Variants in PAX5 observed in about 807,000 individuals in gnomAD.
PAX5 encodes the protein paired box 5.
PAX5 carries 9 observed loss-of-function variants against 43.7 expected under a neutral mutation model. That is an observed-to-expected ratio of 0.21 (90% CI 0.12 to 0.36). The LOEUF is 0.36. Ranked by LOEUF, PAX5 falls within the 10% of genes least tolerant of loss-of-function variation. The pLI, the probability that PAX5 is intolerant of heterozygous loss-of-function variation, is 1.00. For missense variants in PAX5, 383 were observed against 532.7 expected (o/e 0.72, Z 2.77); for synonymous variants, 228 against 214.3 (o/e 1.06, Z -0.56).
intron 8 of PAX5, among the ~76,000 whole-genome samples, chr9:36,847,881 C>T (rs1299608290): frequency 6.6e-6 from 1 of 152,218 alleles, no homozygotes; most frequent in Non-Finnish European, 1.5e-5. Flanking sequence ...GGTCTTGTAG[C>T]TGGCAGGGCC....
chr9:37,020,591 T>C (rs1436118011), intron 2 of PAX5, 45 bp downstream of exon 2: 1 of 1,587,752 alleles, frequency 6.3e-7, no homozygotes, highest in African/African-American at 1.3e-5. Context: ...ATGTTTTAGG[T>C]CTTTATTTGA....
intron 6 of PAX5, among the ~76,000 whole-genome samples, chr9:36,930,372 C>T (rs777069784): frequency 5.3e-5 from 8 of 151,134 alleles, no homozygotes; most frequent in Non-Finnish European, 7.4e-5. Flanking sequence ...TACAGGCACA[C>T]GCCACCACAC....
At chr9:36,905,758 C>G (rs937344086) in intron 7 of PAX5, among the ~76,000 whole-genome samples, 2 of 152,186 alleles carry the variant, frequency 1.3e-5, no homozygotes, top group African/African-American at 4.8e-5. Flanking sequence ...CTGAGTTCCA[C>G]ATGGAGGAAA....
At chr9:37,001,737 T>C (rs1187451324) in intron 5 of PAX5, among the ~76,000 whole-genome samples, 21 of 151,560 alleles carry the variant, frequency 1.4e-4, no homozygotes, top group Admixed American at 1.4e-3. Context: ...AGAAAGGGAA[T>C]TGTGCTGAGG....
At chr9:36,984,412 C>T (rs534603555) in intron 5 of PAX5, among the ~76,000 whole-genome samples, 2 of 145,618 alleles carry the variant, frequency 1.4e-5, no homozygotes, top group South Asian at 4.5e-4. Context: ...GCTTTGTGGC[C>T]CTGGATTGGT....
In PAX5 at chr9:36,833,740, A is replaced by T. The variant is rs1344728892; in HGVS notation, c.*6820T>A. 2.6e-5 allele frequency: 6 copies of T among 233,240 alleles called. No homozygotes were observed. In the East Asian group the frequency reaches 3.6e-4, roughly 14 times the overall value. The allele number at this position is 233,240 out of a possible 1,614,324, so 14.4% of individuals were successfully genotyped here. On this transcript the variant is annotated 3_prime_UTR_variant, in exon 10 of 10. Coordinates refer to ENST00000358127, the MANE Select transcript of PAX5 (RefSeq NM_016734.3). The stretch of plus-strand genomic sequence containing the variant: ...CAAGTCAGTTATTTTCTACTAGAAA[A>T]AAAGAATACAAAACATACACATTTT...
At chr9:36,958,592 G>A (rs1833695494) in intron 6 of PAX5, among the ~76,000 whole-genome samples, 1 of 152,120 alleles carries the variant, frequency 6.6e-6, no homozygotes, top group Admixed American at 6.5e-5. Flanking sequence ...GCCATCTTCA[G>A]GGGTACAGCA....
intron 7 of PAX5, among the ~76,000 whole-genome samples, chr9:36,921,684 T>C (rs919618058): frequency 1.3e-4 from 20 of 152,352 alleles, no homozygotes; most frequent in East Asian, 1.9e-4. Context: ...GTTTCTATTA[T>C]TGTTCGCTAA....
At chr9:36,875,955 C>A (rs1825870727) in intron 8 of PAX5, among the ~76,000 whole-genome samples, 1 of 152,186 alleles carries the variant, frequency 6.6e-6, no homozygotes, top group Non-Finnish European at 1.5e-5. Context: ...TTAAGTCACT[C>A]ATTTGTGGTA....
At chr9:36,910,453 C>T (rs1587942950) in intron 7 of PAX5, among the ~76,000 whole-genome samples, 2 of 152,322 alleles carry the variant, frequency 1.3e-5, no homozygotes, top group South Asian at 2.1e-4. Context: ...AAGGTCTCCA[C>T]GGATGGACAT....
At chr9:37,024,190 A>G (rs1840100422) in intron 1 of PAX5, among the ~76,000 whole-genome samples, 2 of 152,198 alleles carry the variant, frequency 1.3e-5, no homozygotes, top group Non-Finnish European at 2.9e-5. Context: ...GTGTTTTATA[A>G]CTGGTAAAGA....
intron 1 of PAX5, chr9:37,026,491 C>A: frequency 7.6e-7 from 1 of 1,313,774 alleles, no homozygotes; most frequent in Non-Finnish European, 1.0e-6. Flanking sequence ...CCAACCCGGT[C>A]CCGGCGGGAG....
At chr9:36,902,176 C>T (rs991784075) in intron 7 of PAX5, among the ~76,000 whole-genome samples, 7 of 152,064 alleles carry the variant, frequency 4.6e-5, no homozygotes, top group African/African-American at 7.2e-5. Context: ...AAAGCGGTGG[C>T]GGTGGAATTC....
chr9:37,026,805 C>A (rs1040894118), intron 1 of PAX5: 26 of 819,050 alleles, frequency 3.2e-5, no homozygotes, highest in Admixed American at 1.2e-4. Context: ...AGCGGGTGCC[C>A]AACTCCGGCT....
intron 6 of PAX5, among the ~76,000 whole-genome samples, chr9:36,943,633 T>C (rs1256798659): frequency 1.3e-5 from 2 of 151,894 alleles, no homozygotes; most frequent in African/African-American, 4.8e-5. Flanking sequence ...GTAAGAATTC[T>C]GGGTAAATTA....
intron 1 of PAX5, among the ~76,000 whole-genome samples, chr9:37,027,120 G>C (rs541826360): frequency 1.3e-5 from 2 of 152,296 alleles, no homozygotes; most frequent in African/African-American, 4.8e-5. Context: ...CGAGTCTCTG[G>C]GGCTCGGACT....
intron 6 of PAX5, among the ~76,000 whole-genome samples, chr9:36,947,380 C>T (rs925846134): frequency 2.5e-4 from 38 of 152,176 alleles, no homozygotes; most frequent in African/African-American, 8.7e-4. Flanking sequence ...TGAAATTTTA[C>T]GTATTCATTT....
chr9:36,893,580 T>C lies in PAX5; in HGVS notation c.911-11475A>G, dbSNP rs75650374. 1,143 of 154,522 alleles carry C rather than the reference T, an allele frequency of 7.4e-3. 18 individuals carry two copies. Among genetic ancestry groups the C allele is most frequent in the African/African-American group, 0.026 (1,084 of 41,642 alleles). 9.6% of individuals were successfully genotyped at this position (154,522 alleles called of 1,614,324 possible). On this transcript the variant is annotated intron_variant, in intron 7 of 9. Coordinates refer to ENST00000358127, the MANE Select transcript of PAX5 (RefSeq NM_016734.3). Reference sequence around the variant, plus strand: ...TTCCGACGAGCTCAGTGGCTTGGCTTCCCAGCCCCCAGCAGATTAAAAACA... The same window carrying C: ...TTCCGACGAGCTCAGTGGCTTGGCTCCCCAGCCCCCAGCAGATTAAAAACA...
chr9:36,931,286 A>G (rs1412957221), intron 6 of PAX5, among the ~76,000 whole-genome samples: 1 of 152,206 alleles, frequency 6.6e-6, no homozygotes, highest in Non-Finnish European at 1.5e-5. Flanking sequence ...AGGGGTCTGC[A>G]AGCCCCTCCT....
Sources: gnomAD v4.1 joint callset for allele counts (sites outside exome capture counted in the v4.1 genomes callset) on GRCh38, gnomAD v4.1.1 for gene constraint, MANE v1.5 for transcripts, NCBI Gene and HGNC (gene_info 2026-07-23, HGNC 2026-07-21) for gene names.